Variants in TRA2B observed in about 807,000 individuals in gnomAD.
TRA2B encodes the protein transformer-2 protein homolog beta.
Under a neutral mutation model 41.7 loss-of-function variants are expected in TRA2B, and 14 were observed. That is an observed-to-expected ratio of 0.34 (90% CI 0.22 to 0.53). The LOEUF (loss-of-function observed/expected upper bound fraction) is 0.53. TRA2B is among the 20% of genes least tolerant of loss of function. The pLI, the probability that TRA2B is intolerant of heterozygous loss-of-function variation, is 0.95. For missense variants in TRA2B, 167 were observed against 396.8 expected (o/e 0.42, Z 4.92); for synonymous variants, 130 against 128.8 (o/e 1.01, Z -0.06).
chr3:185,934,581 A>C, intron 1 of TRA2B: 1 of 985,424 alleles, frequency 1.0e-6, no homozygotes, highest in Non-Finnish European at 1.2e-6. Flanking sequence ...TCACAATACA[A>C]AACAATTTCC....
intron 4 of TRA2B, chr3:185,922,743 T>C (rs1222707569): frequency 3.3e-5 from 5 of 152,234 alleles, no homozygotes; most frequent in Non-Finnish European, 7.3e-5. Context: ...TCCCAAAGTA[T>C]GTATTAACAG....
chr3:185,936,734 G>T (rs1475350146), intron 1 of TRA2B: 2 of 983,766 alleles, frequency 2.0e-6, no homozygotes, highest in African/African-American at 3.5e-5. Context: ...CAATTTCTAT[G>T]GTGCTTTTCT....
At chr3:185,918,276 A>C (rs1327358613) in intron 8 of TRA2B, 89 bp downstream of exon 8, 3 of 1,012,386 alleles carry the variant, frequency 3.0e-6, no homozygotes, top group Middle Eastern at 2.1e-4. Flanking sequence ...AACTACCTGA[A>C]ACCAATCCAT....
chr3:185,921,282 A>T (rs1743725138), intron 5 of TRA2B, 95 bp from the exon 6 acceptor site: 5 of 1,041,468 alleles, frequency 4.8e-6, no homozygotes, highest in African/African-American at 3.2e-5. Context: ...ATTAACTGGA[A>T]AATGAAAATT....
chr3:185,920,275 T>C (rs1166421178), intron 6 of TRA2B, among the ~76,000 whole-genome samples: 2 of 152,228 alleles, frequency 1.3e-5, no homozygotes, highest in Non-Finnish European at 2.9e-5. Context: ...CTGAAAAGTG[T>C]TGGCTTTCCA....
intron 3 of TRA2B, chr3:185,925,185 A>ATAATTAT (rs1743896714): frequency 4.2e-6 from 1 of 239,164 alleles, no homozygotes; most frequent in Non-Finnish European, 7.9e-6. Flanking sequence ...TAATGTACTA[A>ATAATTAT]TACTATACTA....
intron 1 of TRA2B, chr3:185,928,669 T>C (rs1465142088): frequency 6.6e-6 from 1 of 152,194 alleles, no homozygotes; most frequent in Non-Finnish European, 1.5e-5. Flanking sequence ...TAAAAGCCTG[T>C]TTACTCCAAC....
intron 1 of TRA2B, chr3:185,937,564 C>T: frequency 1.0e-6 from 1 of 953,116 alleles, no homozygotes; most frequent in Non-Finnish European, 1.4e-6. Context: ...TTCATCTTCC[C>T]CCTCTTATAA....
Position 185,938,009 on chromosome 3 carries a change from G to C in TRA2B, c.-149C>G. 1 of 841,760 alleles carries C rather than the reference G, an allele frequency of 1.2e-6. No homozygotes were observed. The highest frequency in any genetic ancestry group is 1.9e-6 in the Non-Finnish European group (1 of 538,410). 52.1% of individuals were successfully genotyped at this position (841,760 alleles called of 1,614,324 possible). A position where few individuals can be genotyped will look rare whatever the true frequency, so the allele number is the denominator to read the frequency against. On this transcript the variant is annotated 5_prime_UTR_variant, in exon 1 of 9. Coordinates refer to ENST00000453386, the MANE Select transcript of TRA2B (RefSeq NM_004593.3). ...AAATGCTCCGCACCGCCTCCGCACG[G>C]GCTCTAACTCTACCGGATGTGACGC... is the stretch of plus-strand genomic sequence containing the variant.
Position 185,924,663 on chromosome 3 carries a change from A to G in TRA2B, c.334-679T>C, listed in dbSNP as rs185501542. 283 of 152,456 alleles carry G rather than the reference A, an allele frequency of 1.9e-3. 2 individuals carry two copies. Among genetic ancestry groups the G allele is most frequent in the Middle Eastern group, 3.4e-3 (1 of 294 alleles). The allele number at this position is 152,456 out of a possible 1,614,324, so 9.4% of individuals were successfully genotyped here. On this transcript the variant is annotated intron_variant, in intron 3 of 8. Transcript: ENST00000453386. ...CCCCATGTCTCTACAAAAATATAAC[A>G]AATTACTGGGTGTGGTGGCATGCCT... is the stretch of plus-strand genomic sequence containing the variant.
chr3:185,928,909 C>T, intron 1 of TRA2B: 1 of 152,166 alleles, frequency 6.6e-6, no homozygotes, highest in Non-Finnish European at 1.5e-5. Context: ...CTTCGGCAGC[C>T]TGTCCACTGA....
At position 185,925,520 on chromosome 3, in the gene TRA2B, G is replaced by C; in HGVS notation, c.277C>G (p.Arg93Gly). ...ATGGGAGAATGGCTGTGGCTGTGCC[G>C]TCTACGATAATCTCGACTGTAAGAC... is the stretch of plus-strand genomic sequence containing the variant. Reference protein sequence around the residue: ...SRSYSRDYRRRHSHSHSPMST... With the variant: ...SRSYSRDYRRGHSHSHSPMST... The change falls in exon 3 of 9, where the codon CGG becomes GGG. Residue 93 changes from arginine to glycine, a missense_variant. Around this residue, in one of 5 missense-constraint regions of TRA2B, gnomAD observed 94 missense variants for 133.4 expected, o/e 0.70. Transcript: ENST00000453386. The C allele has an allele frequency of 6.2e-7, 1 of 1,614,142 alleles. No homozygotes were observed. Among genetic ancestry groups the C allele is most frequent in the Non-Finnish European group, 8.5e-7 (1 of 1,180,020 alleles).
intron 3 of TRA2B, 34 bp from the exon 4 acceptor site, chr3:185,924,018 A>G (rs371075734): frequency 1.3e-6 from 2 of 1,567,932 alleles, no homozygotes; most frequent in Admixed American, 4.0e-5. Flanking sequence ...ACTTTGGAAA[A>G]GTTGTCATAA....
chr3:185,921,819 T>A (rs1177466338), intron 5 of TRA2B, among the ~76,000 whole-genome samples, 192 bp downstream of exon 5: 1 of 152,108 alleles, frequency 6.6e-6, no homozygotes, highest in Non-Finnish European at 1.5e-5. Flanking sequence ...AAAAATGGAC[T>A]TGACTAAGAT....
chr3:185,929,781 T>G (rs1228148475), intron 1 of TRA2B, among the ~76,000 whole-genome samples: 1 of 152,202 alleles, frequency 6.6e-6, no homozygotes, highest in Non-Finnish European at 1.5e-5. Context: ...CTGCATCTCT[T>G]AAAACACTGT....
At chr3:185,935,354 A>C (rs1744307724) in intron 1 of TRA2B, 1 of 985,358 alleles carries the variant, frequency 1.0e-6, no homozygotes, top group African/African-American at 1.7e-5. Flanking sequence ...AGGGGGGAAA[A>C]AATAAATCCC....
intron 1 of TRA2B, among the ~76,000 whole-genome samples, chr3:185,931,136 A>G (rs1207805327): frequency 1.3e-5 from 2 of 152,210 alleles, no homozygotes; most frequent in African/African-American, 2.4e-5. Flanking sequence ...GTTTGGTTCC[A>G]TAACCATCCT....
At position 185,916,856 on chromosome 3, in the gene TRA2B, A is replaced by G. The variant is rs895863846; in HGVS notation, c.*859T>C. On this transcript the variant is annotated 3_prime_UTR_variant, in exon 9 of 9. Transcript: ENST00000453386. Reference sequence around the variant, plus strand: ...AATAATATTTAAAAAATGAACAGGCAAAGTCTTCAGTTCATCCATGACAGG... The same window carrying G: ...AATAATATTTAAAAAATGAACAGGCGAAGTCTTCAGTTCATCCATGACAGG... 2.0e-5 allele frequency: 3 copies of G among 151,528 alleles called. No homozygotes were observed. The highest frequency in any genetic ancestry group is 7.3e-5 in the African/African-American group (3 of 40,986). 9.4% of individuals were successfully genotyped at this position (151,528 alleles called of 1,614,324 possible).
At chr3:185,924,981 C>T (rs567273523) in intron 3 of TRA2B, 1 of 152,496 alleles carries the variant, frequency 6.6e-6, no homozygotes, top group African/African-American at 2.4e-5. Flanking sequence ...CACCCTCCTC[C>T]TAAACCACTT....
Sources: allele counts gnomAD v4.1 joint callset (sites outside exome capture counted in the v4.1 genomes callset), GRCh38; gene constraint gnomAD v4.1.1; regional missense constraint gnomAD v4.1.1; transcripts MANE v1.5; gene names NCBI Gene and HGNC (gene_info 2026-07-23, HGNC 2026-07-21).